TAFA1: variants seen among roughly 807,000 people sequenced by gnomAD.
TAFA1 encodes the protein chemokine-like protein TAFA-1.
A neutral mutation model predicts 18.5 loss-of-function variants in TAFA1; 4 were observed. The observed-to-expected ratio is 0.22, with a 90% CI of 0.11 to 0.49. The LOEUF (loss-of-function observed/expected upper bound fraction) is 0.49. Ranked by LOEUF, TAFA1 falls within the 20% of genes least tolerant of loss-of-function variation. The probability of loss-of-function intolerance (pLI) is 0.98; values close to 1 mark genes in which losing one functional copy is unlikely to be tolerated. For missense variants in TAFA1, 147 were observed against 169.0 expected (o/e 0.87, Z 0.72); for synonymous variants, 56 against 55.2 (o/e 1.01, Z -0.06).
intron 2 of TAFA1, among the ~76,000 whole-genome samples, chr3:68,313,069 A>AAGAATGG (rs1187874028): frequency 6.6e-6 from 1 of 152,170 alleles, no homozygotes; most frequent in Non-Finnish European, 1.5e-5. Context: ...ATCATGAGAA[A>AAGAATGG]AGAATGGGAA....
chr3:68,184,451 C>T (rs573340704), intron 2 of TAFA1, among the ~76,000 whole-genome samples: 2 of 152,158 alleles, frequency 1.3e-5, no homozygotes, highest in South Asian at 4.1e-4. Flanking sequence ...TGATGATAAG[C>T]ACTGTGTGCA....
intron 2 of TAFA1, among the ~76,000 whole-genome samples, chr3:68,337,915 C>G (rs2069002794): frequency 6.6e-6 from 1 of 152,152 alleles, no homozygotes; most frequent in South Asian, 2.1e-4. Flanking sequence ...CATTGAGTCC[C>G]CAACCAATTT....
chr3:68,011,186 A>G (rs1385551231), intron 2 of TAFA1, among the ~76,000 whole-genome samples: 2 of 152,034 alleles, frequency 1.3e-5, no homozygotes, highest in Non-Finnish European at 2.9e-5. Flanking sequence ...ATCATCTCAA[A>G]ATTATTTAGC....
rs568528099 is a variant in TAFA1, at chr3:68,344,039, C to T, written c.119-73241C>T. On this transcript the variant is annotated intron_variant, in intron 2 of 4. Coordinates refer to ENST00000478136, the MANE Select transcript of TAFA1 (RefSeq NM_213609.4). ...TGTATTTTTAGTAGAGACAGGGTTT[C>T]TCCATGTTGATCAGGCTGATCTTGA... is the stretch of plus-strand genomic sequence containing the variant. 3.2e-3 allele frequency among the ~76,000 whole-genome samples: 482 copies of T among 152,284 alleles called. 2 individuals are homozygous for T. The highest frequency in any genetic ancestry group is 3.9e-3 in the Non-Finnish European group (267 of 68,022).
intron 3 of TAFA1, among the ~76,000 whole-genome samples, chr3:68,459,771 C>T (rs1299927056): frequency 1.3e-5 from 2 of 152,182 alleles, no homozygotes; most frequent in Non-Finnish European, 2.9e-5. Context: ...CAGTCAAATA[C>T]TCATGAATAT....
intron 2 of TAFA1, among the ~76,000 whole-genome samples, chr3:68,415,744 T>G (rs1175267852): frequency 6.6e-6 from 1 of 152,106 alleles, no homozygotes; most frequent in African/African-American, 2.4e-5. Context: ...CTGTTTATAC[T>G]CACACAACCC....
intron 2 of TAFA1, among the ~76,000 whole-genome samples, chr3:68,126,295 C>A (rs1358761638): frequency 6.6e-6 from 1 of 152,144 alleles, no homozygotes; most frequent in Non-Finnish European, 1.5e-5. Flanking sequence ...ATGATGGAGT[C>A]CATGAGTGAA....
chr3:68,067,190 A>G (rs948419473), intron 2 of TAFA1, among the ~76,000 whole-genome samples: 17 of 152,244 alleles, frequency 1.1e-4, no homozygotes, highest in African/African-American at 4.1e-4. Context: ...TGACATCTAC[A>G]TTTTGGTCCT....
intron 3 of TAFA1, among the ~76,000 whole-genome samples, chr3:68,504,551 T>G (rs962724802): frequency 2.6e-5 from 4 of 152,130 alleles, no homozygotes; most frequent in South Asian, 2.1e-4. Flanking sequence ...GGCACACAAT[T>G]GTAAGAGATC....
chr3:68,081,791 G>T (rs186134896), intron 2 of TAFA1, among the ~76,000 whole-genome samples: 10 of 152,318 alleles, frequency 6.6e-5, no homozygotes, highest in Admixed American at 1.3e-4. Context: ...GCCCCTAGAG[G>T]TGGAGCCTAC....
chr3:68,235,242 C>T (rs1048610036), intron 2 of TAFA1, among the ~76,000 whole-genome samples: 9 of 152,300 alleles, frequency 5.9e-5, no homozygotes, highest in Admixed American at 5.2e-4. Context: ...TTGAGTTAAA[C>T]ATCTCCACTC....
At chr3:68,313,483 G>A (rs2068556960) in intron 2 of TAFA1, among the ~76,000 whole-genome samples, 1 of 152,148 alleles carries the variant, frequency 6.6e-6, no homozygotes, top group South Asian at 2.1e-4. Context: ...GTCCAAATGT[G>A]CTGATTTTCT....
At chr3:68,145,144 T>C (rs1169000965) in intron 2 of TAFA1, 1 of 858,496 alleles carries the variant, frequency 1.2e-6, no homozygotes, top group African/African-American at 1.7e-5. Flanking sequence ...GTTTGCTCCG[T>C]AATGACATGA....
chr3:68,194,263 C>A (rs565716741), intron 2 of TAFA1, among the ~76,000 whole-genome samples: 77 of 151,852 alleles, frequency 5.1e-4, no homozygotes, highest in African/African-American at 1.6e-3. Flanking sequence ...AGGGCATGAA[C>A]AGTTCTACCC....
At chr3:68,430,005 T>G (rs1160746923) in intron 3 of TAFA1, among the ~76,000 whole-genome samples, 1 of 151,922 alleles carries the variant, frequency 6.6e-6, no homozygotes, top group Non-Finnish European at 1.5e-5. Context: ...GTGCCAGGAA[T>G]TATGCCAAAT....
At chr3:68,333,727 C>T (rs139851417) in intron 2 of TAFA1, among the ~76,000 whole-genome samples, 50 of 152,278 alleles carry the variant, frequency 3.3e-4, no homozygotes, top group African/African-American at 1.2e-3. Context: ...TCTGCACTCC[C>T]ATGTTCATTG....
intron 2 of TAFA1, among the ~76,000 whole-genome samples, chr3:68,379,479 C>T (rs1364529832): frequency 6.6e-6 from 1 of 152,186 alleles, no homozygotes; most frequent in African/African-American, 2.4e-5. Context: ...TTTTGCTGTG[C>T]AGAAGCTCTT....
intron 2 of TAFA1, among the ~76,000 whole-genome samples, chr3:68,232,317 T>G (rs2107118219): frequency 6.6e-6 from 1 of 152,334 alleles, no homozygotes; most frequent in African/African-American, 2.4e-5. Context: ...ACATGTGGTA[T>G]TTATCTTTCT....
rs796681227 is a variant in TAFA1, at chr3:68,545,174, C to G, written c.*671C>G. 7 of 152,682 alleles carry G rather than the reference C, an allele frequency of 4.6e-5. No homozygotes were observed. Among genetic ancestry groups the G allele is most frequent in the African/African-American group, 1.7e-4 (7 of 41,566 alleles). The allele number at this position is 152,682 out of a possible 1,614,324, so 9.5% of individuals were successfully genotyped here. A position where few individuals can be genotyped will look rare whatever the true frequency, so the allele number is the denominator to read the frequency against. On this transcript the variant is annotated 3_prime_UTR_variant, in exon 5 of 5. Transcript: ENST00000478136. The stretch of plus-strand genomic sequence containing the variant: ...TGCAAGCTTGGCTTACATAGTCATA[C>G]TTTATATTCAATTGATATATAATAA...
Sources: allele counts gnomAD v4.1 joint callset (sites outside exome capture counted in the v4.1 genomes callset), GRCh38; gene constraint gnomAD v4.1.1; transcripts MANE v1.5; gene names NCBI Gene and HGNC (gene_info 2026-07-23, HGNC 2026-07-21).